Variants in RAVER1 observed in about 807,000 individuals in gnomAD.
RAVER1 encodes the protein ribonucleoprotein, PTB binding 1.
RAVER1 carries 36 observed loss-of-function variants against 68.4 expected under a neutral mutation model. That is an observed-to-expected ratio of 0.53 (90% CI 0.40 to 0.70). The LOEUF (loss-of-function observed/expected upper bound fraction) is 0.70, where lower values mean the gene tolerates loss of function less well. Ranked by LOEUF, RAVER1 falls within the 30% of genes least tolerant of loss-of-function variation. The pLI, the probability that RAVER1 is intolerant of heterozygous loss-of-function variation, is 0.00. For synonymous variants in RAVER1, 469 were observed against 472.7 expected (o/e 0.99, Z 0.10); for missense variants, 933 against 1,019.8 (o/e 0.91, Z 1.16).
intron 10 of RAVER1, among the ~76,000 whole-genome samples, chr19:10,318,764 G>T (rs571873255): frequency 6.6e-6 from 1 of 152,266 alleles, no homozygotes; most frequent in East Asian, 1.9e-4. Flanking sequence ...GATCATCACC[G>T]CACGAATGGG....
rs996644996 is a variant in RAVER1 at position 10,322,753 on chromosome 19, T to C, written c.1079-14A>G. 7.0e-7 allele frequency: 1 copy of C among 1,434,156 alleles called. No homozygotes were observed. 88.8% of individuals were successfully genotyped at this position (1,434,156 alleles called of 1,614,324 possible). On this transcript the variant is annotated splice_polypyrimidine_tract_variant and intron_variant, in intron 5 of 12. Transcript: ENST00000617231. This position sits in a 1 kb window ranked among gnomAD's most constrained non-coding sequence, Gnocchi z 4.3. ...CACCCAGGAGGCCTGGAGGGAGACA[T>C]AGGAGGATGTGTGGGGGTCCCTGTG...
At chr19:10,332,265 TG>T (rs2145086939) in intron 1 of RAVER1, among the ~76,000 whole-genome samples, 1 of 152,270 alleles carries the variant, frequency 6.6e-6, no homozygotes, top group Non-Finnish European at 1.5e-5. Flanking sequence ...CTCAAAGTGC[TG>T]GGATTAAAGG....
intron 1 of RAVER1, among the ~76,000 whole-genome samples, chr19:10,331,684 CAAAAAA>C (rs61614587): frequency 8.2e-5 from 6 of 73,314 alleles, no homozygotes; most frequent in African/African-American, 1.7e-4. Context: ...GACTCCGTCT[CAAAAAA>C]AAAAAAAAAA....
chr19:10,321,161 C>T lies in RAVER1; in HGVS notation c.1360G>A (p.Gly454Ser). ...GPAGGDREAL[G>S]LGPPAAQLTP... ...AGCTGGGCCGCTGGGGGACCCAAGC[C>T]CAGGGCCTCCCGGTCACCCCCAGCA... Residue 454 changes from glycine (G) to serine (S), a missense_variant, in exon 8 of 13, where the codon GGC becomes AGC. Physicochemically the swap from Gly to Ser is moderately conservative, Grantham distance 56. Around this residue, in one of 3 missense-constraint regions of RAVER1, gnomAD observed 699 missense variants for 731.1 expected, o/e 0.96. Transcript: ENST00000617231. 1 of 1,285,310 alleles carries T rather than the reference C, an allele frequency of 7.8e-7. No homozygotes were observed. The highest frequency in any genetic ancestry group is 9.9e-7 in the Non-Finnish European group (1 of 1,013,972). The allele number at this position is 1,285,310 out of a possible 1,614,324, so 79.6% of individuals were successfully genotyped here.
Position 10,322,418 on chromosome 19 carries a change from G to T in RAVER1, c.1173+227C>A. 1 of 502,730 alleles carries T rather than the reference G, an allele frequency of 2.0e-6. No homozygotes were observed. Among genetic ancestry groups the T allele is most frequent in the Non-Finnish European group, 3.5e-6 (1 of 289,380 alleles). The allele number at this position is 502,730 out of a possible 1,614,324, so 31.1% of individuals were successfully genotyped here. A position where few individuals can be genotyped will look rare whatever the true frequency, so the allele number is the denominator to read the frequency against. On this transcript the variant is annotated intron_variant, in intron 6 of 12. Transcript: ENST00000617231. This position sits in a 1 kb window ranked among gnomAD's most constrained non-coding sequence, Gnocchi z 4.3. The stretch of plus-strand genomic sequence containing the variant: ...ACCCCACCCCAGGCACCAAGTCCAG[G>T]GGCGCTCTCAGAATGGAGGGAAAGA...
chr19:10,318,129 G>T, intron 11 of RAVER1, 100 bp downstream of exon 11: 1 of 1,070,332 alleles, frequency 9.3e-7, no homozygotes, highest in Non-Finnish European at 1.3e-6. Flanking sequence ...CACCACCCCA[G>T]CTTTGGCCTG....
At chr19:10,320,229 C>T (rs190181774) in intron 9 of RAVER1, among the ~76,000 whole-genome samples, 1 of 152,012 alleles carries the variant, frequency 6.6e-6, no homozygotes, top group Admixed American at 6.6e-5. Flanking sequence ...TGAGGCTGGG[C>T]GCGGTGGCTC....
Position 10,321,104 on chromosome 19 carries a change from C to G in RAVER1, c.1417G>C (p.Gly473Arg). The G allele has an allele frequency of 1.5e-6, 2 of 1,324,272 alleles. No individual in the cohort carries two copies. The highest frequency in any genetic ancestry group is 1.9e-6 in the Non-Finnish European group (2 of 1,038,344). The allele number at this position is 1,324,272 out of a possible 1,614,324, so 82.0% of individuals were successfully genotyped here. Residue 473 changes from glycine to arginine, a missense_variant, in exon 8 of 13, where the codon GGC becomes CGC. By Grantham distance (125) the Gly-to-Arg change is moderately radical. Coordinates refer to ENST00000617231, the MANE Select transcript of RAVER1 (RefSeq NM_133452.3). ...TTCTGGAGGCCTCTGAGGCCAGAGC[C>G]TCGGAGCCCCACAGGGGCGGGGGGA... ...TPPPAPVGLR[G>R]SGLRGLQKDS... is the part of the protein sequence containing the mutation.
chr19:10,325,145 C>T (rs911196285), intron 3 of RAVER1, among the ~76,000 whole-genome samples: 1 of 152,104 alleles, frequency 6.6e-6, no homozygotes, highest in African/African-American at 2.4e-5. Flanking sequence ...CTCAGCTTCC[C>T]GAGTAGCTGG....
chr19:10,324,020 T>C (rs1276774708), intron 3 of RAVER1, among the ~76,000 whole-genome samples: 1 of 152,066 alleles, frequency 6.6e-6, no homozygotes, highest in Non-Finnish European at 1.5e-5. Flanking sequence ...TGGTGGCACA[T>C]GCCTGTATTC....
intron 9 of RAVER1, 32 bp from the exon 10 acceptor site, chr19:10,319,272 G>A (rs752405633): frequency 1.1e-5 from 17 of 1,607,072 alleles, no homozygotes; most frequent in Non-Finnish European, 1.4e-5. Context: ...ACATTGGGTT[G>A]GAGTCTGTCC....
At position 10,316,433 on chromosome 19, in the gene RAVER1, G is replaced by C; in HGVS notation, c.*1021C>G. ...CAGAGTTTATCTTCATGGAGTGCTG[G>C]TTTCTGGCACTGGGCTGGAAGGAGG... On this transcript the variant is annotated 3_prime_UTR_variant, in exon 13 of 13. Transcript: ENST00000617231. 1 of 1,009,326 alleles carries C rather than the reference G, an allele frequency of 9.9e-7. No homozygotes were observed. The highest frequency in any genetic ancestry group is 4.0e-5 in the South Asian group (1 of 25,254). 62.5% of individuals were successfully genotyped at this position (1,009,326 alleles called of 1,614,324 possible).
At position 10,333,185 on chromosome 19, in the gene RAVER1, C is replaced by G; in HGVS notation, c.219+104G>C. The G allele has an allele frequency of 8.3e-7, 1 of 1,207,954 alleles. No individual in the cohort carries two copies. The highest frequency in any genetic ancestry group is 1.5e-5 in the African/African-American group (1 of 65,818). The allele number at this position is 1,207,954 out of a possible 1,614,324, so 74.8% of individuals were successfully genotyped here. A position where few individuals can be genotyped will look rare whatever the true frequency, so the allele number is the denominator to read the frequency against. ...CGTGGATCCGGTGCTTGGGCGCCCCCGCCAACGACCCCCGCGCACCTCAGC... is the reference window on the plus strand; with the variant it reads ...CGTGGATCCGGTGCTTGGGCGCCCCGGCCAACGACCCCCGCGCACCTCAGC... On this transcript the variant is annotated intron_variant, in intron 1 of 12. Transcript: ENST00000617231. The surrounding 1 kb of genome is among the most constrained non-coding windows in gnomAD (Gnocchi z 4.2).
rs1383096260 is a variant in RAVER1 at position 10,318,360 on chromosome 19, G to A, written c.1858C>T (p.Pro620Ser). The A allele has an allele frequency of 2.5e-6, 4 of 1,600,690 alleles. No homozygotes were observed. The South Asian group carries it at 4.5e-5, about 18-fold the overall frequency. ...GPSRHKMSPP[P>S]SGFGERSSGG... is the part of the protein sequence containing the mutation. Reference sequence around the variant, plus strand: ...CTGCTCCGTTCGCCGAAGCCACTGGGCGGGGGGGACATCTGTAGAAGAAGG... The same window carrying A: ...CTGCTCCGTTCGCCGAAGCCACTGGACGGGGGGGACATCTGTAGAAGAAGG... The change falls in exon 11 of 13, where the codon CCC (proline) becomes TCC (serine). Residue 620 changes from proline (P) to serine (S), a missense_variant. Around this residue, in one of 3 missense-constraint regions of RAVER1, gnomAD observed 699 missense variants for 731.1 expected, o/e 0.96. Coordinates refer to ENST00000617231, the MANE Select transcript of RAVER1 (RefSeq NM_133452.3).
chr19:10,317,806 C>T lies in RAVER1; in HGVS notation c.1990-33G>A, dbSNP rs1284007236. On this transcript the variant is annotated intron_variant, in intron 11 of 12. Coordinates refer to ENST00000617231, the MANE Select transcript of RAVER1 (RefSeq NM_133452.3). The surrounding 1 kb of genome is among the most constrained non-coding windows in gnomAD (Gnocchi z 4.3). ...AAATGGAGAGGTGGAACAGGTCACT[C>T]CCTGGGGGCCAGAGGAAGCACCCAC... The T allele has an allele frequency of 7.6e-7, 1 of 1,320,634 alleles. No homozygotes were observed. The allele number at this position is 1,320,634 out of a possible 1,614,324, so 81.8% of individuals were successfully genotyped here.
chr19:10,327,499 C>T (rs1273230752), intron 3 of RAVER1, among the ~76,000 whole-genome samples: 10 of 152,044 alleles, frequency 6.6e-5, no homozygotes, highest in South Asian at 2.1e-4. Context: ...GGGATCCGCC[C>T]GCCTCAGCCT....
chr19:10,324,888 A>G (rs2040463668), intron 3 of RAVER1, among the ~76,000 whole-genome samples: 1 of 152,204 alleles, frequency 6.6e-6, no homozygotes, highest in African/African-American at 2.4e-5. Context: ...TCAGATGCTC[A>G]ACAAATGTTT....
Position 10,322,330 on chromosome 19 carries a change from A to G in RAVER1, c.1173+315T>C. On this transcript the variant is annotated intron_variant, in intron 6 of 12. Coordinates refer to ENST00000617231, the MANE Select transcript of RAVER1 (RefSeq NM_133452.3). This position sits in a 1 kb window ranked among gnomAD's most constrained non-coding sequence, Gnocchi z 4.3. The stretch of plus-strand genomic sequence containing the variant: ...AGAGTCTATTCACAAACTGGTGCCC[A>G]GCAGCGGCGCTCCCAGCCCACACCC... 2.7e-6 allele frequency: 1 copy of G among 375,802 alleles called. No individual in the cohort carries two copies. Among genetic ancestry groups the G allele is most frequent in the Non-Finnish European group, 4.8e-6 (1 of 209,302 alleles). 23.3% of individuals were successfully genotyped at this position (375,802 alleles called of 1,614,324 possible). A position where few individuals can be genotyped will look rare whatever the true frequency, so the allele number is the denominator to read the frequency against.
chr19:10,318,535 T>A (rs1290562680), intron 10 of RAVER1, among the ~76,000 whole-genome samples, 163 bp from the exon 11 acceptor site: 1 of 152,190 alleles, frequency 6.6e-6, no homozygotes, highest in Non-Finnish European at 1.5e-5. Context: ...ATTTTTTGTA[T>A]TTTTAGTAGA....
Sources: allele counts gnomAD v4.1 joint callset (sites outside exome capture counted in the v4.1 genomes callset), GRCh38; gene constraint gnomAD v4.1.1; regional missense constraint gnomAD v4.1.1; non-coding constraint Gnocchi (gnomAD v3.1); transcripts MANE v1.5; gene names NCBI Gene and HGNC (gene_info 2026-07-23, HGNC 2026-07-21).